The following FGF13 variants were observed in gnomAD, a reference collection of about 807,000 sequenced individuals.
The protein encoded by FGF13 is fibroblast growth factor 13, also known as fibroblast growth factor homologous factor 2.
Under a neutral mutation model 19.5 loss-of-function variants are expected in FGF13, and 2 were observed. The observed-to-expected ratio is 0.10, with a 90% CI of 0.04 to 0.32. The LOEUF (loss-of-function observed/expected upper bound fraction) is 0.32, where lower values mean the gene tolerates loss of function less well. FGF13 is among the 10% of genes least tolerant of loss of function. The pLI is 1.00. For synonymous variants in FGF13, 72 were observed against 76.9 expected, an observed-to-expected ratio of 0.94 and a Z score of 0.33; for missense variants, 113 against 192.7, an observed-to-expected ratio of 0.59 and a Z score of 2.45.
intron 3 of FGF13, among the ~76,000 whole-genome samples, chrX:138,654,545 A>G (rs2089413716): frequency 9.0e-6 from 1 of 111,399 alleles, no homozygotes; most frequent in Non-Finnish European, 1.9e-5. Context: ...GTTCAAGACC[A>G]GCCTGGTTAA....
chrX:138,703,861 T>C (rs1433934989), intron 2 of FGF13, among the ~76,000 whole-genome samples: 1 of 111,628 alleles, frequency 9.0e-6, no homozygotes, highest in Admixed American at 9.5e-5. Context: ...ATTACAAGCA[T>C]GTGCCACCAC....
At chrX:138,992,602 T>C (rs1303819713) in intron 1 of FGF13, among the ~76,000 whole-genome samples, 1 of 110,607 alleles carries the variant, frequency 9.0e-6, no homozygotes, top group Non-Finnish European at 1.9e-5. Context: ...TACCTTGGAG[T>C]ATATACTAAT....
intron 1 of FGF13, among the ~76,000 whole-genome samples, chrX:138,921,050 T>C (rs753209624): frequency 2.7e-5 from 3 of 111,576 alleles, no homozygotes; most frequent in African/African-American, 9.8e-5. Flanking sequence ...ATACAAATGA[T>C]AAAACCTACT....
At chrX:138,963,008 G>GA (rs370773877) in intron 1 of FGF13, among the ~76,000 whole-genome samples, 2,268 of 107,306 alleles carry the variant, frequency 0.021, 72 homozygotes, top group African/African-American at 0.072. Context: ...AAACAAAAAA[G>GA]AAAAAAAAAA....
chrX:138,776,804 C>G (rs2090591182), intron 3 of FGF13, among the ~76,000 whole-genome samples: 1 of 111,685 alleles, frequency 9.0e-6, no homozygotes, highest in Non-Finnish European at 1.9e-5. Flanking sequence ...ACTCTCCTCT[C>G]CCTCTCTTTG....
At chrX:138,652,483 C>A (rs2089386606) in intron 3 of FGF13, among the ~76,000 whole-genome samples, 1 of 111,769 alleles carries the variant, frequency 8.9e-6, no homozygotes, top group Non-Finnish European at 1.9e-5. Context: ...TACTCTATTC[C>A]TGACATAAAA....
chrX:138,947,491 T>G (rs1179659901), intron 1 of FGF13, among the ~76,000 whole-genome samples: 1 of 105,753 alleles, frequency 9.5e-6, no homozygotes, highest in Non-Finnish European at 1.9e-5. Context: ...TAACTGATTG[T>G]GAAGAAAAAA....
chrX:138,729,687 A>AAAACAAAC (rs756234277), intron 1 of FGF13, among the ~76,000 whole-genome samples: 31 of 109,598 alleles, frequency 2.8e-4, no homozygotes, highest in African/African-American at 9.7e-4. Flanking sequence ...TAAGCCTAAT[A>AAAACAAAC]AAACAAACAA....
Position 138,792,556 on chromosome X carries a change from G to A in FGF13, c.217+64956C>T, listed in dbSNP as rs918075945. 3.6e-5 allele frequency among the ~76,000 whole-genome samples: 4 copies of A among 111,832 alleles called. No homozygotes were observed. The East Asian group carries it at 1.1e-3, about 31-fold the overall frequency. Reference sequence around the variant, plus strand: ...CATATCACCAAGAATTATTGGAGTAGCTTTTAACCAACTTCTGTCATATTC... The same window carrying A: ...CATATCACCAAGAATTATTGGAGTAACTTTTAACCAACTTCTGTCATATTC... On this transcript the variant is annotated intron_variant, in intron 3 of 6. Coordinates refer to the FGF13 transcript ENST00000436198.
chrX:138,754,915 A>G (rs1357940082), intron 3 of FGF13, among the ~76,000 whole-genome samples: 1 of 111,105 alleles, frequency 9.0e-6, no homozygotes, highest in Non-Finnish European at 1.9e-5. Flanking sequence ...TTGCACTGGG[A>G]GCGGACTCTT....
At chrX:138,783,186 C>A (rs1334670640) in intron 3 of FGF13, among the ~76,000 whole-genome samples, 8 of 80,337 alleles carry the variant, frequency 1.0e-4, no homozygotes, top group African/African-American at 4.2e-4. Flanking sequence ...AAGACTTAAA[C>A]GTTAGACCTA....
At chrX:139,174,984 G>A (rs1024861151) in intron 1 of FGF13, among the ~76,000 whole-genome samples, 17 of 111,913 alleles carry the variant, frequency 1.5e-4, no homozygotes, top group Non-Finnish European at 1.9e-5. Context: ...AATTACTATG[G>A]GCAGTATGGC....
At chrX:138,942,491 T>C (rs1254072058) in intron 1 of FGF13, among the ~76,000 whole-genome samples, 1 of 112,016 alleles carries the variant, frequency 8.9e-6, no homozygotes, top group African/African-American at 3.2e-5. Flanking sequence ...GTGTATGAGC[T>C]ACAGTTCTGG....
At chrX:139,104,206 A>G (rs748110289) in intron 1 of FGF13, among the ~76,000 whole-genome samples, 1 of 111,434 alleles carries the variant, frequency 9.0e-6, no homozygotes, top group South Asian at 3.8e-4. Flanking sequence ...TTGAACAAAC[A>G]TGGACAATAA....
chrX:138,735,054 G>A (rs1004818362), intron 1 of FGF13, among the ~76,000 whole-genome samples: 2 of 111,903 alleles, frequency 1.8e-5, no homozygotes, highest in Admixed American at 1.9e-4. Context: ...GGCATTCAAA[G>A]TGAAGCCAGT....
chrX:138,726,659 T>C (rs1232410963), intron 1 of FGF13, among the ~76,000 whole-genome samples: 14 of 112,098 alleles, frequency 1.2e-4, no homozygotes, highest in African/African-American at 4.2e-4. Context: ...TGATACTCAG[T>C]TGAGACCTCT....
chrX:139,198,121 G>C (rs1230721064), intron 1 of FGF13, among the ~76,000 whole-genome samples: 2 of 109,629 alleles, frequency 1.8e-5, no homozygotes, highest in Non-Finnish European at 3.8e-5. Context: ...CTTTGGTGTT[G>C]ATTTTACGGA....
chrX:138,879,815 C>A (rs780208615), intron 1 of FGF13, among the ~76,000 whole-genome samples: 194 of 111,534 alleles, frequency 1.7e-3, no homozygotes, highest in African/African-American at 5.7e-3. Context: ...GGCAGCAAAG[C>A]CCAAATTGAC....
intron 1 of FGF13, among the ~76,000 whole-genome samples, chrX:139,137,203 A>G (rs779129014): frequency 8.9e-6 from 1 of 112,303 alleles, no homozygotes; most frequent in Non-Finnish European, 1.9e-5. Flanking sequence ...CTATGATTTG[A>G]TATTTTAGCT....
Sources: gnomAD v4.1 joint callset for allele counts (sites outside exome capture counted in the v4.1 genomes callset) on GRCh38, gnomAD v4.1.1 for gene constraint, MANE v1.5 for transcripts, NCBI Gene and HGNC (gene_info 2026-07-23, HGNC 2026-07-21) for gene names.